DDX55: variants seen among roughly 807,000 people sequenced by gnomAD.
DDX55 encodes ATP-dependent RNA helicase DDX55.
In DDX55, 56 loss-of-function variants were observed where a neutral mutation model predicts 69.2. The ratio of observed to expected loss-of-function variants is 0.81; its 90% confidence interval spans 0.65 to 1.01. DDX55 has a LOEUF of 1.01. Among genes scored for constraint, DDX55 ranks in the 50% least tolerant of loss-of-function variants. The pLI is 0.00. For synonymous variants in DDX55, 268 were observed against 273.1 expected (o/e 0.98, Z 0.18); for missense variants, 720 against 745.1 (o/e 0.97, Z 0.39).
chr12:123,602,136 G>T lies in DDX55; in HGVS notation c.-13G>T. On this transcript the variant is annotated 5_prime_UTR_variant, in exon 1 of 14. Transcript: ENST00000238146. ...TTCGAGCAGCGGCGACCGACGCGGCGAAGGAGCGCGCCATGGAGCATGTGA... is the reference window on the plus strand; with the variant it reads ...TTCGAGCAGCGGCGACCGACGCGGCTAAGGAGCGCGCCATGGAGCATGTGA... 6.5e-7 allele frequency: 1 copy of T among 1,542,294 alleles called. No homozygotes were observed. Among genetic ancestry groups the T allele is most frequent in the Non-Finnish European group, 8.7e-7 (1 of 1,144,574 alleles).
At chr12:123,619,902 T>C in intron 13 of DDX55, 62 bp from the exon 14 acceptor site, 1 of 1,551,262 alleles carries the variant, frequency 6.4e-7, no homozygotes. Flanking sequence ...TTAAAACTGC[T>C]GGTTTCACTA....
chr12:123,615,952 A>T (rs1474966907), intron 9 of DDX55, among the ~76,000 whole-genome samples: 2 of 152,188 alleles, frequency 1.3e-5, no homozygotes, highest in African/African-American at 4.8e-5. Flanking sequence ...AGTGCACTCC[A>T]GCCTGGGTGA....
chr12:123,611,311 C>T (rs1442381846), intron 7 of DDX55, among the ~76,000 whole-genome samples: 1 of 152,240 alleles, frequency 6.6e-6, no homozygotes, highest in Admixed American at 6.5e-5. Flanking sequence ...GGCCACTCCT[C>T]ACCCCTGTTC....
Position 123,613,253 on chromosome 12 carries a change from G to C in DDX55, c.824+1G>C. 1 of 1,613,938 alleles carries C rather than the reference G, an allele frequency of 6.2e-7. No individual in the cohort carries two copies. The highest frequency in any genetic ancestry group is 8.5e-7 in the Non-Finnish European group (1 of 1,179,944). On this transcript the variant is annotated splice_donor_variant, in intron 8 of 13. Transcript: ENST00000238146. LOFTEE classifies it high-confidence loss of function. ...AGGAGAAACACCTGGTCTTCTTCAG[G>C]TACTCCTCTGGTCTCTGTGGTAGAG...
chr12:123,602,364 C>T, intron 1 of DDX55, 108 bp downstream of exon 1: 1 of 1,051,602 alleles, frequency 9.5e-7, no homozygotes, highest in African/African-American at 1.7e-5. Context: ...GGCGCTCATC[C>T]CTCCAGCTGG....
rs567593838 is a variant in DDX55, at chr12:123,619,372, C to T, written c.1334-60C>T. On this transcript the variant is annotated intron_variant, in intron 12 of 13. Transcript: ENST00000238146. ...GGTTAGAAAAAAATTATATTGTAAGCCATTACTGATTGTTCTAATCCTGTT... is the reference window on the plus strand; with the variant it reads ...GGTTAGAAAAAAATTATATTGTAAGTCATTACTGATTGTTCTAATCCTGTT... 32 of 1,542,310 alleles carry T rather than the reference C, an allele frequency of 2.1e-5. No individual in the cohort carries two copies. In the South Asian group the frequency reaches 3.9e-4, roughly 19 times the overall value.
In DDX55 at chr12:123,620,216, G is replaced by A. The variant is rs757631981; in HGVS notation, c.*76G>A. The A allele has an allele frequency of 9.1e-6, 13 of 1,435,046 alleles. No homozygotes were observed. In the South Asian group the frequency reaches 1.5e-4, roughly 17 times the overall value. 88.9% of individuals were successfully genotyped at this position (1,435,046 alleles called of 1,614,324 possible). ...TGGATGGCTCCAGTTTGCTTTTAAC[G>A]AAAATCACAACTTCAGGAGACATCT... is the stretch of plus-strand genomic sequence containing the variant. On this transcript the variant is annotated 3_prime_UTR_variant, in exon 14 of 14. Coordinates refer to ENST00000238146, the MANE Select transcript of DDX55 (RefSeq NM_020936.3).
chr12:123,617,663 C>A, intron 10 of DDX55, 95 bp from the exon 11 acceptor site: 2 of 1,132,980 alleles, frequency 1.8e-6, no homozygotes, highest in Non-Finnish European at 2.5e-6. Flanking sequence ...AGAGGCTCCC[C>A]AGAGCGTTTT....
chr12:123,616,592 C>G lies in DDX55; in HGVS notation c.1038C>G (p.Pro346=), dbSNP rs1566199429. ...ACTGGGTTTTGCAGTATGACCCTCC[C>G]AGCAATGCAAGGTATGGTACGAGGC... is the stretch of plus-strand genomic sequence containing the variant. ...EVNWVLQYDP[P]SNASAFVHRC... Residue 346 remains proline, a synonymous_variant, in exon 10 of 14, where the codon CCC becomes CCG. Transcript: ENST00000238146. The G allele has an allele frequency of 6.2e-7, 1 of 1,614,088 alleles. No individual in the cohort carries two copies. The highest frequency in any genetic ancestry group is 8.5e-7 in the Non-Finnish European group (1 of 1,179,982).
intron 8 of DDX55, among the ~76,000 whole-genome samples, chr12:123,614,673 T>G (rs1322917564): frequency 2.0e-5 from 3 of 152,160 alleles, no homozygotes; most frequent in African/African-American, 7.2e-5. Context: ...CAACCCCTTT[T>G]TGTCTTTGGA....
rs1231448600 is a variant in DDX55 at position 123,608,693 on chromosome 12, G to T, written c.415G>T (p.Val139Leu). The T allele has an allele frequency of 2.5e-6, 4 of 1,613,660 alleles. No individual in the cohort carries two copies. In the South Asian group the frequency reaches 4.4e-5, roughly 18 times the overall value. The change falls in exon 6 of 14, where the codon GTG becomes TTG. Residue 139 changes from valine to leucine, a missense_variant. Physicochemically the swap from Val to Leu is conservative, Grantham distance 32. Transcript: ENST00000238146. ...TTCTTTCCAAAGTGGGAACATCATT[G>T]TGGCCACTCCAGGCCGCTTGGAGGA... ...RFKQQGGNII[V>L]ATPGRLEDMF... is the part of the protein sequence containing the mutation.
At position 123,609,937 on chromosome 12, in the gene DDX55, A is replaced by C. The variant is rs1229321570; in HGVS notation, c.552-2A>C. ...GTTAAGTGTGAGCCCTCTTTTTATC[A>C]GCATCAACACCATTCTGGAGTTTTT... On this transcript the variant is annotated splice_acceptor_variant, in intron 6 of 13. Coordinates refer to ENST00000238146, the MANE Select transcript of DDX55 (RefSeq NM_020936.3). LOFTEE classifies it high-confidence loss of function. 1 of 1,611,484 alleles carries C rather than the reference A, an allele frequency of 6.2e-7. No homozygotes were observed. Among genetic ancestry groups the C allele is most frequent in the African/African-American group, 1.3e-5 (1 of 74,770 alleles).
Position 123,620,615 on chromosome 12 carries a change from T to A in DDX55, c.*475T>A, listed in dbSNP as rs1477524130. 1 of 122,424 alleles carries A rather than the reference T, an allele frequency of 8.2e-6. No homozygotes were observed. Among genetic ancestry groups the A allele is most frequent in the African/African-American group, 3.4e-5 (1 of 29,484 alleles). 7.6% of individuals were successfully genotyped at this position (122,424 alleles called of 1,614,324 possible). On this transcript the variant is annotated 3_prime_UTR_variant, in exon 14 of 14. Coordinates refer to ENST00000238146, the MANE Select transcript of DDX55 (RefSeq NM_020936.3). The stretch of plus-strand genomic sequence containing the variant: ...ATATATATATATATATATATATATA[T>A]ATATATATATATAAGCTCTTTTTTC...
At chr12:123,612,139 G>A (rs900380859) in intron 7 of DDX55, among the ~76,000 whole-genome samples, 1 of 152,152 alleles carries the variant, frequency 6.6e-6, no homozygotes, top group African/African-American at 2.4e-5. Flanking sequence ...GAAATACTCG[G>A]AGCATTTTGG....
Position 123,602,248 on chromosome 12 carries a change from C to G in DDX55, c.100C>G (p.Pro34Ala). ...GGAGCTGGGCTTCCCGTACATGACG[C>G]CGGTGCAGGTATCGGTTCCCTGGCG... ...LRELGFPYMT[P>A]VQSATIPLFM... The change falls in exon 1 of 14, where the codon CCG (proline) becomes GCG (alanine). Residue 34 changes from proline to alanine, a missense_variant. Pro to Ala is a conservative substitution (Grantham distance 27). Transcript: ENST00000238146. 6.4e-7 allele frequency: 1 copy of G among 1,563,130 alleles called. No individual in the cohort carries two copies. Among genetic ancestry groups the G allele is most frequent in the Non-Finnish European group, 8.6e-7 (1 of 1,157,326 alleles).
chr12:123,607,787 T>A, intron 5 of DDX55, 125 bp downstream of exon 5: 1 of 1,356,748 alleles, frequency 7.4e-7, no homozygotes. Context: ...CAAAAAGGTG[T>A]TTTCTCCAGG....
intron 5 of DDX55, 130 bp downstream of exon 5, chr12:123,607,792 TC>T: frequency 7.8e-7 from 1 of 1,288,240 alleles, no homozygotes; most frequent in Non-Finnish European, 1.1e-6. Flanking sequence ...AGGTGTTTTC[TC>T]CAGGCCAGCT....
chr12:123,614,965 T>A (rs752931003), intron 8 of DDX55, among the ~76,000 whole-genome samples: 1 of 152,198 alleles, frequency 6.6e-6, no homozygotes, highest in African/African-American at 2.4e-5. Context: ...TAATTCATGT[T>A]TAAGGGATTT....
intron 8 of DDX55, 88 bp downstream of exon 8, chr12:123,613,340 A>G: frequency 7.7e-7 from 1 of 1,296,764 alleles, no homozygotes. Context: ...GATTCCATCT[A>G]GCATGGTTCT....
Sources: gnomAD v4.1 joint callset for allele counts (sites outside exome capture counted in the v4.1 genomes callset) on GRCh38, gnomAD v4.1.1 for gene constraint, MANE v1.5 for transcripts, NCBI Gene and HGNC (gene_info 2026-07-23, HGNC 2026-07-21) for gene names.